Variants in DTX4 observed in about 807,000 individuals in gnomAD.
The protein encoded by DTX4 is deltex E3 ubiquitin ligase 4, also known as E3 ubiquitin-protein ligase DTX4.
A neutral mutation model predicts 57.6 loss-of-function variants in DTX4; 28 were observed. The ratio of observed to expected loss-of-function variants is 0.49; its 90% CI spans 0.36 to 0.67. The LOEUF (loss-of-function observed/expected upper bound fraction) is 0.67, where lower values mean the gene tolerates loss of function less well. DTX4 is among the 30% of genes least tolerant of loss of function. The probability of loss-of-function intolerance (pLI) is 0.00; values close to 1 mark genes in which losing one functional copy is unlikely to be tolerated. For synonymous variants in DTX4, 316 were observed against 331.0 expected, an observed-to-expected ratio of 0.95 and a Z score of 0.49; for missense variants, 715 against 836.8, an observed-to-expected ratio of 0.85 and a Z score of 1.80.
In DTX4 at chr11:59,188,737, T is replaced by G. The variant is rs1862558490; in HGVS notation, c.938T>G (p.Val313Gly). The G allele has an allele frequency of 6.2e-7, 1 of 1,613,680 alleles. No individual in the cohort carries two copies. The highest frequency in any genetic ancestry group is 8.5e-7 in the Non-Finnish European group (1 of 1,179,652). Residue 313 changes from valine (V) to glycine (G), a missense_variant and splice_region_variant, in exon 3 of 9, where the codon GTC becomes GGC. Val to Gly is a moderately radical substitution (Grantham distance 109). Transcript: ENST00000227451. The part of the protein sequence containing the change: ...AQSRVLIASG[V>G]PTVPVKNLNG... ...GTATCTGCTCTTTCCTTTCACAGGG[T>G]CCCCACAGTCCCAGTGAAGAACCTA...
At position 59,192,096 on chromosome 11, in the gene DTX4, A is replaced by G. The variant is rs1308482461; in HGVS notation, c.1222-2A>G. The G allele has an allele frequency of 1.2e-6, 2 of 1,612,198 alleles. No individual in the cohort carries two copies. Among genetic ancestry groups the G allele is most frequent in the Non-Finnish European group, 1.7e-6 (2 of 1,179,156 alleles). On this transcript the variant is annotated splice_acceptor_variant, in intron 5 of 8. Coordinates refer to ENST00000227451, the MANE Select transcript of DTX4 (RefSeq NM_015177.2). LOFTEE classifies it high-confidence loss of function. ...TCTCTGCTGTGTCTCCTCCCTCCCC[A>G]GGACTGCACCATCTGTATGGAACGC...
intron 1 of DTX4, among the ~76,000 whole-genome samples, chr11:59,181,238 G>C (rs1862458590): frequency 6.6e-6 from 1 of 152,294 alleles, no homozygotes; most frequent in East Asian, 1.9e-4. Context: ...CCTACTGTGT[G>C]TCAAGGGCTT....
chr11:59,174,597 T>C (rs1862372637), intron 1 of DTX4, among the ~76,000 whole-genome samples: 1 of 151,870 alleles, frequency 6.6e-6, no homozygotes, highest in South Asian at 2.1e-4. Context: ...TCAGCCCCTT[T>C]CCCACATTTG....
intron 1 of DTX4, among the ~76,000 whole-genome samples, chr11:59,179,357 A>G (rs1862432295): frequency 6.6e-6 from 1 of 152,204 alleles, no homozygotes; most frequent in Non-Finnish European, 1.5e-5. Context: ...GAAAGACTGG[A>G]CTGCTGGTCC....
chr11:59,190,654 G>A (rs760515611), intron 4 of DTX4, among the ~76,000 whole-genome samples: 1 of 152,174 alleles, frequency 6.6e-6, no homozygotes, highest in African/African-American at 2.4e-5. Context: ...TTCTGGAGTC[G>A]TGGGTCATAA....
In DTX4 at chr11:59,195,276, G is replaced by A. The variant is rs779261072; in HGVS notation, c.1443G>A (p.Gly481=). ...YGVKTGTQPP[G]KMEYHLIPHS... is the part of the protein sequence containing the mutation. The stretch of plus-strand genomic sequence containing the variant: ...TGAAGACAGGCACCCAACCTCCAGG[G>A]AAGATGGAGTACCACCTCATCCCCC... Residue 481 remains glycine (G), a synonymous_variant, in exon 7 of 9, where the codon GGG becomes GGA. Coordinates refer to ENST00000227451, the MANE Select transcript of DTX4 (RefSeq NM_015177.2). 2 of 1,613,914 alleles carry A rather than the reference G, an allele frequency of 1.2e-6. No individual in the cohort carries two copies. Among genetic ancestry groups the A allele is most frequent in the Admixed American group, 1.7e-5 (1 of 60,010 alleles).
chr11:59,195,416 A>G, intron 7 of DTX4, 47 bp downstream of exon 7: 2 of 1,552,336 alleles, frequency 1.3e-6, no homozygotes, highest in Non-Finnish European at 1.7e-6. Context: ...CTTGGTTTTT[A>G]TTGTTCTATG....
intron 8 of DTX4, among the ~76,000 whole-genome samples, chr11:59,202,650 A>G (rs1459690899): frequency 6.6e-6 from 1 of 152,172 alleles, no homozygotes; most frequent in Non-Finnish European, 1.5e-5. Flanking sequence ...ACCATGGGCT[A>G]TGGAGTCAGG....
Position 59,189,336 on chromosome 11 carries a change from T to C in DTX4, c.1159+13T>C. ...CAAGCCAAGAAAGGTACCAGCCTCT[T>C]GTCTCGTGGGGTACTGAGAGTCAAA... On this transcript the variant is annotated intron_variant, in intron 4 of 8. Coordinates refer to ENST00000227451, the MANE Select transcript of DTX4 (RefSeq NM_015177.2). The C allele has an allele frequency of 1.3e-6, 2 of 1,526,362 alleles. No homozygotes were observed. Among genetic ancestry groups the C allele is most frequent in the Middle Eastern group, 1.7e-4 (1 of 5,848 alleles). The allele number at this position is 1,526,362 out of a possible 1,614,324, so 94.6% of individuals were successfully genotyped here. A position where few individuals can be genotyped will look rare whatever the true frequency, so the allele number is the denominator to read the frequency against.
intron 7 of DTX4, among the ~76,000 whole-genome samples, chr11:59,196,944 C>T (rs1374423683): frequency 6.6e-6 from 1 of 152,136 alleles, no homozygotes; most frequent in Non-Finnish European, 1.5e-5. Flanking sequence ...ATCCCAAAAC[C>T]ATCCCCCACC....
At position 59,197,176 on chromosome 11, in the gene DTX4, C is replaced by T. The variant is rs934143719; in HGVS notation, c.1536+1807C>T. Among the ~76,000 whole-genome samples, 3 of 152,092 alleles carry T rather than the reference C, an allele frequency of 2.0e-5. No homozygotes were observed. In the South Asian group the frequency reaches 6.2e-4, roughly 32 times the overall value. Reference sequence around the variant, plus strand: ...AGTACCAAGGTGCTCAATACCTGGTCGTCAACATCATTTTAGGTCCTGCTT... The same window carrying T: ...AGTACCAAGGTGCTCAATACCTGGTTGTCAACATCATTTTAGGTCCTGCTT... On this transcript the variant is annotated intron_variant, in intron 7 of 8. Coordinates refer to ENST00000227451, the MANE Select transcript of DTX4 (RefSeq NM_015177.2).
intron 7 of DTX4, among the ~76,000 whole-genome samples, chr11:59,196,315 G>A (rs1274119515): frequency 6.6e-6 from 1 of 152,216 alleles, no homozygotes; most frequent in East Asian, 1.9e-4. Flanking sequence ...GAATAAACAA[G>A]GTACCTCCAG....
chr11:59,177,869 A>G (rs1048207641), intron 1 of DTX4, among the ~76,000 whole-genome samples: 1 of 152,206 alleles, frequency 6.6e-6, no homozygotes, highest in Non-Finnish European at 1.5e-5. Flanking sequence ...CATTTATTGA[A>G]TCAATATTTT....
chr11:59,194,376 A>G (rs777828620), intron 6 of DTX4, among the ~76,000 whole-genome samples: 14 of 152,198 alleles, frequency 9.2e-5, no homozygotes, highest in Non-Finnish European at 1.6e-4. Flanking sequence ...CTATCCTTCT[A>G]AGCAAATTCA....
At chr11:59,204,187 C>T (rs892436035) in intron 8 of DTX4, among the ~76,000 whole-genome samples, 1 of 152,120 alleles carries the variant, frequency 6.6e-6, no homozygotes, top group Non-Finnish European at 1.5e-5. Context: ...ACAGCTTCAG[C>T]TTTGGATAAA....
rs11229876 is a variant in DTX4 at position 59,205,028 on chromosome 11, T to C, written c.*119T>C. ...CTCCCAACTTTCTATCCTCCCCTCC[T>C]GCCCTGTGTCCATCCCTCATCCCTC... is the stretch of plus-strand genomic sequence containing the variant. On this transcript the variant is annotated 3_prime_UTR_variant, in exon 9 of 9. Coordinates refer to ENST00000227451, the MANE Select transcript of DTX4 (RefSeq NM_015177.2). 17,931 of 844,900 alleles carry C rather than the reference T, an allele frequency of 0.021. 372 individuals carry two copies. Among genetic ancestry groups the C allele is most frequent in the East Asian group, 0.083 (3,124 of 37,426 alleles). The allele number at this position is 844,900 out of a possible 1,614,324, so 52.3% of individuals were successfully genotyped here. A position where few individuals can be genotyped will look rare whatever the true frequency, so the allele number is the denominator to read the frequency against.
chr11:59,195,516 C>G (rs910421295), intron 7 of DTX4, 147 bp downstream of exon 7: 7 of 880,156 alleles, frequency 8.0e-6, no homozygotes, highest in Admixed American at 3.2e-5. Flanking sequence ...CTACATCCCC[C>G]GACTCAACAC....
In DTX4 at chr11:59,189,708, G is replaced by C. The variant is rs149869606; in HGVS notation, c.1159+385G>C. Among the ~76,000 whole-genome samples the C allele has an allele frequency of 5.8e-3, 876 of 152,266 alleles. 11 individuals are homozygous for C. Among genetic ancestry groups the C allele is most frequent in the African/African-American group, 0.02 (830 of 41,540 alleles). ...CCTATTTTCTCATCTTTATAATGAA[G>C]TAAAAATAGTCACAACTGGTATAAC... On this transcript the variant is annotated intron_variant, in intron 4 of 8. Coordinates refer to ENST00000227451, the MANE Select transcript of DTX4 (RefSeq NM_015177.2).
chr11:59,196,496 C>A (rs778746564), intron 7 of DTX4, among the ~76,000 whole-genome samples: 12 of 152,212 alleles, frequency 7.9e-5, no homozygotes, highest in Admixed American at 2.6e-4. Context: ...AGAACACAGG[C>A]CTTCAAAGTC....
Sources: gnomAD v4.1 joint callset for allele counts (sites outside exome capture counted in the v4.1 genomes callset) on GRCh38, gnomAD v4.1.1 for gene constraint, MANE v1.5 for transcripts, NCBI Gene and HGNC (gene_info 2026-07-23, HGNC 2026-07-21) for gene names.